Variants in NT5DC1 observed in about 807,000 individuals in gnomAD.
The protein encoded by NT5DC1 is 5'-nucleotidase domain containing 1.
NT5DC1 carries 42 observed loss-of-function variants against 59.4 expected under a neutral mutation model. That is an observed-to-expected ratio of 0.71 (90% CI 0.55 to 0.92). NT5DC1 has a LOEUF of 0.92. NT5DC1 is among the 40% of genes least tolerant of loss of function. NT5DC1 has a pLI of 0.00. For synonymous variants in NT5DC1, 172 were observed against 188.1 expected (o/e 0.91, Z 0.70); for missense variants, 501 against 537.1 (o/e 0.93, Z 0.66).
At chr6:116,229,777 A>ACTCTCTCTGTCTCTCCTCTCT (rs1467110712) in intron 8 of NT5DC1, among the ~76,000 whole-genome samples, 1 of 151,722 alleles carries the variant, frequency 6.6e-6, no homozygotes, top group African/African-American at 2.4e-5. Flanking sequence ...TCATGAGCCA[A>ACTCTCTCTGTCTCTCCTCTCT]CTCTCTCTGT....
intron 5 of NT5DC1, among the ~76,000 whole-genome samples, chr6:116,116,826 G>C (rs1408702272): frequency 6.6e-6 from 1 of 151,912 alleles, no homozygotes; most frequent in African/African-American, 2.4e-5. Context: ...CAAGGAAAGT[G>C]TATCAGTCTT....
At chr6:116,141,885 A>AAC (rs3051942) in intron 6 of NT5DC1, among the ~76,000 whole-genome samples, 27,025 of 140,174 alleles carry the variant, frequency 0.19, 2,513 homozygotes, top group Middle Eastern at 0.33. Context: ...CCAAAAAGAA[A>AAC]ACACACACAC....
intron 6 of NT5DC1, among the ~76,000 whole-genome samples, chr6:116,161,062 A>T (rs1189948764): frequency 2.6e-5 from 4 of 151,854 alleles, no homozygotes; most frequent in African/African-American, 9.7e-5. Context: ...GAAATTGGAA[A>T]TCATCATTCT....
At chr6:116,241,890 T>C (rs1392146112) in intron 11 of NT5DC1, among the ~76,000 whole-genome samples, 1 of 121,208 alleles carries the variant, frequency 8.3e-6, no homozygotes, top group Non-Finnish European at 1.6e-5. Flanking sequence ...GCCACTGCAC[T>C]CCAGCCTGGG....
At chr6:116,148,053 T>C (rs915127936) in intron 6 of NT5DC1, among the ~76,000 whole-genome samples, 6 of 151,824 alleles carry the variant, frequency 4.0e-5, no homozygotes, top group African/African-American at 1.5e-4. Context: ...CCAGAATATA[T>C]TTAGTAGAAA....
chr6:116,217,181 C>CT (rs1375392056), intron 6 of NT5DC1, among the ~76,000 whole-genome samples: 2 of 152,156 alleles, frequency 1.3e-5, no homozygotes, highest in Non-Finnish European at 2.9e-5. Context: ...TTGTACTATA[C>CT]TTTTTTACCA....
At chr6:116,179,509 C>T (rs572338432) in intron 6 of NT5DC1, among the ~76,000 whole-genome samples, 31 of 152,052 alleles carry the variant, frequency 2.0e-4, no homozygotes, top group Admixed American at 2.0e-3. Flanking sequence ...AGAAGATATG[C>T]AAATGCCCAA....
intron 6 of NT5DC1, among the ~76,000 whole-genome samples, chr6:116,184,511 G>C (rs1382118835): frequency 6.6e-6 from 1 of 152,056 alleles, no homozygotes; most frequent in Non-Finnish European, 1.5e-5. Context: ...GAATCCGTCT[G>C]ATCCTGGCCT....
At chr6:116,205,997 A>G (rs1781441840) in intron 6 of NT5DC1, among the ~76,000 whole-genome samples, 1 of 152,006 alleles carries the variant, frequency 6.6e-6, no homozygotes, top group Admixed American at 6.6e-5. Flanking sequence ...TTTGAGAATG[A>G]TCTAATAGAC....
chr6:116,227,933 C>T (rs1781942006), intron 8 of NT5DC1, among the ~76,000 whole-genome samples: 1 of 151,944 alleles, frequency 6.6e-6, no homozygotes, highest in South Asian at 2.1e-4. Flanking sequence ...TGACTGTTTT[C>T]TTTGTGGTTG....
At chr6:116,177,079 G>T (rs1780750812) in intron 6 of NT5DC1, among the ~76,000 whole-genome samples, 1 of 152,150 alleles carries the variant, frequency 6.6e-6, no homozygotes, top group South Asian at 2.1e-4. Context: ...TATAGTTTCT[G>T]TTATAATATG....
chr6:116,126,331 A>T (rs1378980679), intron 6 of NT5DC1, among the ~76,000 whole-genome samples: 1 of 152,090 alleles, frequency 6.6e-6, no homozygotes, highest in Non-Finnish European at 1.5e-5. Flanking sequence ...TCTTAAATAT[A>T]TATTAATAGT....
At chr6:116,182,053 A>G (rs1411358514) in intron 6 of NT5DC1, among the ~76,000 whole-genome samples, 1 of 151,952 alleles carries the variant, frequency 6.6e-6, no homozygotes, top group Non-Finnish European at 1.5e-5. Context: ...CCCAAAGTCC[A>G]GTGTATTATT....
chr6:116,232,319 T>G (rs1782032941), intron 8 of NT5DC1, among the ~76,000 whole-genome samples: 1 of 152,176 alleles, frequency 6.6e-6, no homozygotes, highest in African/African-American at 2.4e-5. Context: ...ATACATATGC[T>G]GAAACTCATC....
In NT5DC1 at chr6:116,106,631, A is replaced by G. The variant is rs73772246; in HGVS notation, c.185+296A>G. On this transcript the variant is annotated intron_variant, in intron 2 of 11. Coordinates refer to ENST00000319550, the MANE Select transcript of NT5DC1 (RefSeq NM_152729.3). ...TGTCATAATAGTTTCAGAGGTTAGT[A>G]AGAACTGTTTCTAAAATTTGCATCT... Among the ~76,000 whole-genome samples the G allele has an allele frequency of 4.2e-3, 644 of 152,352 alleles. 6 individuals are homozygous for G. Among genetic ancestry groups the G allele is most frequent in the African/African-American group, 0.015 (624 of 41,576 alleles).
chr6:116,120,272 T>A lies in NT5DC1; in HGVS notation c.529+2327T>A, dbSNP rs760612048. 3 of 1,614,126 alleles carry A rather than the reference T, an allele frequency of 1.9e-6. No homozygotes were observed. The East Asian group carries it at 6.7e-5, about 36-fold the overall frequency. On this transcript the variant is annotated intron_variant, in intron 6 of 11. Coordinates refer to ENST00000319550, the MANE Select transcript of NT5DC1 (RefSeq NM_152729.3). ...GTACATTACAGGGGTGCCATTCTTA[T>A]ACAGGCCTACCCAAACATGAGTCCC...
chr6:116,144,892 C>CA (rs1554195438), intron 6 of NT5DC1, among the ~76,000 whole-genome samples: 1 of 152,116 alleles, frequency 6.6e-6, no homozygotes, highest in Non-Finnish European at 1.5e-5. Flanking sequence ...CGTTTTCAAA[C>CA]AGGGGATCTT....
chr6:116,166,175 C>T (rs759829005), intron 6 of NT5DC1, among the ~76,000 whole-genome samples: 2 of 152,170 alleles, frequency 1.3e-5, no homozygotes, highest in Non-Finnish European at 1.5e-5. Flanking sequence ...CTCTGCGAGA[C>T]TCTTGCTGCT....
chr6:116,221,136 G>A lies in NT5DC1; in HGVS notation c.612G>A (p.Trp204Ter). 1 of 1,577,528 alleles carries A rather than the reference G, an allele frequency of 6.3e-7. No homozygotes were observed. Among genetic ancestry groups the A allele is most frequent in the African/African-American group, 1.3e-5 (1 of 74,314 alleles). ...LHSCPESVKKWLRQLKNAGKI... is the reference protein window; with the variant it reads ...LHSCPESVKK ...GTTGTCCTGAATCTGTGAAAAAATGGCTTCGACAGCTAAAGAATGCTGGGA... is the reference window on the plus strand; with the variant it reads ...GTTGTCCTGAATCTGTGAAAAAATGACTTCGACAGCTAAAGAATGCTGGGA... The change falls in exon 7 of 12, where the codon TGG (tryptophan) becomes TGA (stop). Residue 204 changes from tryptophan (W) to a stop codon, truncating the protein, a stop_gained. Coordinates refer to ENST00000319550, the MANE Select transcript of NT5DC1 (RefSeq NM_152729.3). LOFTEE classifies it high-confidence loss of function.
Sources: allele counts gnomAD v4.1 joint callset (sites outside exome capture counted in the v4.1 genomes callset), GRCh38; gene constraint gnomAD v4.1.1; transcripts MANE v1.5; gene names NCBI Gene and HGNC (gene_info 2026-07-23, HGNC 2026-07-21).